EHHADH: variants seen among roughly 807,000 people sequenced by gnomAD.
The protein encoded by EHHADH is peroxisomal bifunctional enzyme.
EHHADH carries 48 observed loss-of-function variants against 64.4 expected under a neutral mutation model. The ratio of observed to expected loss-of-function variants is 0.75; its 90% confidence interval spans 0.59 to 0.95. The LOEUF (loss-of-function observed/expected upper bound fraction) is 0.95, where lower values mean the gene tolerates loss of function less well. Ranked by LOEUF, EHHADH falls within the 40% of genes least tolerant of loss-of-function variation. The pLI is 0.00. For synonymous variants in EHHADH, 308 were observed against 326.7 expected, an observed-to-expected ratio of 0.94 and a Z score of 0.62; for missense variants, 854 against 876.6, an observed-to-expected ratio of 0.97 and a Z score of 0.33.
At chr3:185,227,496 C>A (rs915715912) in intron 4 of EHHADH, among the ~76,000 whole-genome samples, 10 of 151,318 alleles carry the variant, frequency 6.6e-5, no homozygotes, top group Non-Finnish European at 1.0e-4. Context: ...CGCAGCATTG[C>A]ATCCCCGTCT....
chr3:185,236,101 A>C (rs1032337904), intron 2 of EHHADH, among the ~76,000 whole-genome samples: 3 of 152,238 alleles, frequency 2.0e-5, no homozygotes, highest in Non-Finnish European at 4.4e-5. Flanking sequence ...GCAAAATTAA[A>C]AAGAACATGA....
intron 2 of EHHADH, chr3:185,247,853 C>CA (rs1719636427): frequency 6.6e-6 from 1 of 152,170 alleles, no homozygotes; most frequent in African/African-American, 2.4e-5. Context: ...AATAATTTTG[C>CA]ATCTTCACAC....
intron 2 of EHHADH, among the ~76,000 whole-genome samples, chr3:185,239,328 T>G (rs1488528830): frequency 3.9e-5 from 6 of 152,184 alleles, no homozygotes; most frequent in Non-Finnish European, 7.4e-5. Context: ...AAAATGACAT[T>G]GGTAATTTGA....
At chr3:185,197,149 G>A (rs1447661636) in intron 6 of EHHADH, among the ~76,000 whole-genome samples, 1 of 152,160 alleles carries the variant, frequency 6.6e-6, no homozygotes, top group Non-Finnish European at 1.5e-5. Context: ...GAGAGTGACT[G>A]TTGATGGGTA....
At chr3:185,233,592 A>G (rs1329739076) in intron 3 of EHHADH, among the ~76,000 whole-genome samples, 1 of 152,224 alleles carries the variant, frequency 6.6e-6, no homozygotes, top group African/African-American at 2.4e-5. Flanking sequence ...GTTAAATATT[A>G]TAGTATAAAA....
At chr3:185,204,343 G>A in intron 6 of EHHADH, 73 bp downstream of exon 6, 3 of 1,368,964 alleles carry the variant, frequency 2.2e-6, no homozygotes, top group East Asian at 4.6e-5. Flanking sequence ...CTAGCATCCG[G>A]TAGCCCTAAG....
At chr3:185,228,927 C>T (rs1029456462) in intron 4 of EHHADH, among the ~76,000 whole-genome samples, 1 of 151,716 alleles carries the variant, frequency 6.6e-6, no homozygotes, top group Non-Finnish European at 1.5e-5. Flanking sequence ...CCTCAGTCTC[C>T]CGAGTAGCTG....
At chr3:185,217,387 A>C (rs1277570801) in intron 5 of EHHADH, among the ~76,000 whole-genome samples, 1 of 151,970 alleles carries the variant, frequency 6.6e-6, no homozygotes, top group East Asian at 1.9e-4. Flanking sequence ...TCTACTAAAA[A>C]TACAATAATT....
chr3:185,204,351 A>G, intron 6 of EHHADH, 65 bp downstream of exon 6: 3 of 1,443,426 alleles, frequency 2.1e-6, no homozygotes, highest in Non-Finnish European at 2.8e-6. Context: ...CGGTAGCCCT[A>G]AGCAAATGGT....
In EHHADH at chr3:185,193,334, C is replaced by T. The variant is rs1717962354; in HGVS notation, c.1064G>A (p.Gly355Asp). Reference sequence around the variant, plus strand: ...GGGTTTTGGTCCTGACCAAGGGTGGCCGCTCTGTTGCATTTTGGAGGCTTC... The same window carrying T: ...GGGTTTTGGTCCTGACCAAGGGTGGTCGCTCTGTTGCATTTTGGAGGCTTC... Reference protein sequence around the residue: ...EKEASKMQQSGHPWSGPKPRL... With the variant: ...EKEASKMQQSDHPWSGPKPRL... The change falls in exon 7 of 7, where the codon GGC becomes GAC. Residue 355 changes from glycine (G) to aspartate (D), a missense_variant. Gly to Asp is a moderately conservative substitution (Grantham distance 94, BLOSUM62 -1). Coordinates refer to ENST00000231887, the MANE Select transcript of EHHADH (RefSeq NM_001966.4). The T allele has an allele frequency of 6.2e-7, 1 of 1,613,658 alleles. No individual in the cohort carries two copies. Among genetic ancestry groups the T allele is most frequent in the Non-Finnish European group, 8.5e-7 (1 of 1,179,876 alleles).
intron 6 of EHHADH, among the ~76,000 whole-genome samples, chr3:185,197,573 C>A (rs1718099144): frequency 6.6e-6 from 1 of 152,198 alleles, no homozygotes. Flanking sequence ...TGGCTTATTT[C>A]ACTTAGCAGT....
chr3:185,203,524 C>A (rs188514963), intron 6 of EHHADH, among the ~76,000 whole-genome samples: 2 of 152,008 alleles, frequency 1.3e-5, no homozygotes, highest in Admixed American at 1.3e-4. Flanking sequence ...GTTCTTGAGC[C>A]GAGACTAAGA....
At position 185,235,301 on chromosome 3, in the gene EHHADH, C is replaced by T; in HGVS notation, c.340G>A (p.Ala114Thr). 6.2e-7 allele frequency: 1 copy of T among 1,610,720 alleles called. No homozygotes were observed. The highest frequency in any genetic ancestry group is 1.1e-5 in the South Asian group (1 of 90,546). Reference sequence around the variant, plus strand: ...GCCTTGGTTGTTACCTCTGCGTGGGCAATCCTATAGTGACAGCCCAGGGCC... The same window carrying T: ...GCCTTGGTTGTTACCTCTGCGTGGGTAATCCTATAGTGACAGCCCAGGGCC... ...ELALGCHYRI[A>T]HAEAQVGLPE... The change falls in exon 3 of 7, where the codon GCC becomes ACC. Residue 114 changes from alanine to threonine, a missense_variant. Physicochemically the swap from Ala to Thr is moderately conservative, Grantham distance 58. Transcript: ENST00000231887.
intron 6 of EHHADH, among the ~76,000 whole-genome samples, chr3:185,193,776 T>C (rs1717982201): frequency 6.6e-6 from 1 of 152,184 alleles, no homozygotes; most frequent in Admixed American, 6.5e-5. Context: ...TATTTCTATA[T>C]ATTAGAAATA....
chr3:185,201,600 C>T (rs190667732), intron 6 of EHHADH, among the ~76,000 whole-genome samples: 136 of 152,176 alleles, frequency 8.9e-4, no homozygotes, highest in African/African-American at 3.1e-3. Context: ...GGTTGCATCA[C>T]GAAGATGAAA....
chr3:185,196,735 C>T (rs1718074670), intron 6 of EHHADH, among the ~76,000 whole-genome samples: 1 of 152,076 alleles, frequency 6.6e-6, no homozygotes, highest in Non-Finnish European at 1.5e-5. Context: ...GACACGGTGG[C>T]TCATGCCTGT....
At chr3:185,246,067 TTTC>T in intron 2 of EHHADH, 1 of 1,276,848 alleles carries the variant, frequency 7.8e-7, no homozygotes, top group Non-Finnish European at 1.1e-6. Flanking sequence ...CATTCTTCTT[TTTC>T]TTCTTTTTAT....
At chr3:185,228,257 A>AAAATAT (rs1367786172) in intron 4 of EHHADH, among the ~76,000 whole-genome samples, 4 of 22,004 alleles carry the variant, frequency 1.8e-4, no homozygotes, top group South Asian at 1.6e-3. Flanking sequence ...AAAAAAAAAA[A>AAAATAT]ATATATATAT....
At chr3:185,205,662 A>G (rs969054601) in intron 5 of EHHADH, among the ~76,000 whole-genome samples, 1 of 152,192 alleles carries the variant, frequency 6.6e-6, no homozygotes, top group Admixed American at 6.5e-5. Flanking sequence ...ATATGGAAAT[A>G]TTCACAATCT....
Sources: gnomAD v4.1 joint callset for allele counts (sites outside exome capture counted in the v4.1 genomes callset) on GRCh38, gnomAD v4.1.1 for gene constraint, MANE v1.5 for transcripts, NCBI Gene and HGNC (gene_info 2026-07-23, HGNC 2026-07-21) for gene names.